The following HECW2 variants were observed in gnomAD, a reference collection of about 807,000 sequenced individuals.
HECW2 encodes HECT, C2 and WW domain containing E3 ubiquitin protein ligase 2.
Under a neutral mutation model 175.2 loss-of-function variants are expected in HECW2, and 61 were observed. That is an observed-to-expected ratio of 0.35 (90% confidence interval 0.28 to 0.43). The LOEUF is 0.43. HECW2 is among the 20% of genes least tolerant of loss of function. The pLI is 1.00. For synonymous variants in HECW2, 671 were observed against 731.0 expected, an observed-to-expected ratio of 0.92 and a Z score of 1.32; for missense variants, 1,524 against 2,000.5, an observed-to-expected ratio of 0.76 and a Z score of 4.54.
At position 196,345,521 on chromosome 2, in the gene HECW2, G is replaced by C. The variant is rs547542383; in HGVS notation, c.293-1757C>G. 5.9e-5 allele frequency among the ~76,000 whole-genome samples: 9 copies of C among 152,294 alleles called. No individual in the cohort carries two copies. The East Asian group carries it at 1.5e-3, about 26-fold the overall frequency. ...ACTCAACATCCTTTTGCTCTTCCCT[G>C]TCCCCTCTTTTTGAAGTAAAGCCAC... On this transcript the variant is annotated intron_variant, in intron 2 of 28. Coordinates refer to ENST00000644978, the MANE Select transcript of HECW2 (RefSeq NM_001348768.2).
At chr2:196,487,571 T>C (rs1687051699) in intron 1 of HECW2, among the ~76,000 whole-genome samples, 4 of 152,120 alleles carry the variant, frequency 2.6e-5, no homozygotes, top group Admixed American at 6.6e-5. Context: ...GGGAAAGAAA[T>C]TGGCCTATTT....
intron 1 of HECW2, among the ~76,000 whole-genome samples, chr2:196,550,182 T>G (rs6719725): frequency 0.19 from 29,399 of 152,126 alleles, 3,186 homozygotes; most frequent in African/African-American, 0.29. Flanking sequence ...TTATCTACCA[T>G]CCATATAAAG....
At chr2:196,391,594 T>C (rs549752383) in intron 2 of HECW2, among the ~76,000 whole-genome samples, 60 of 152,298 alleles carry the variant, frequency 3.9e-4, no homozygotes, top group Middle Eastern at 3.4e-3. Context: ...CAAAGTTTAG[T>C]TCTATATTTT....
intron 2 of HECW2, among the ~76,000 whole-genome samples, chr2:196,354,345 G>A (rs1693285065): frequency 6.6e-6 from 1 of 152,230 alleles, no homozygotes; most frequent in African/African-American, 2.4e-5. Context: ...CATGGAGCCT[G>A]CTGCTGTACC....
intron 1 of HECW2, among the ~76,000 whole-genome samples, chr2:196,555,290 C>G (rs1222278267): frequency 1.3e-5 from 2 of 152,030 alleles, no homozygotes; most frequent in Non-Finnish European, 2.9e-5. Context: ...GGTGAGGGCT[C>G]CTTTCTGATT....
At chr2:196,307,064 G>C in intron 12 of HECW2, 66 bp downstream of exon 12, 2 of 1,110,180 alleles carry the variant, frequency 1.8e-6, no homozygotes, top group Admixed American at 3.6e-5. Context: ...CTTACTTGTT[G>C]GGAATCCTTA....
intron 1 of HECW2, among the ~76,000 whole-genome samples, chr2:196,442,486 CA>C (rs1696069865): frequency 6.6e-6 from 1 of 151,990 alleles, no homozygotes; most frequent in Non-Finnish European, 1.5e-5. Context: ...GAGATGCCAG[CA>C]AAGAGTTATA....
Position 196,405,165 on chromosome 2 carries a change from G to A in HECW2, c.292+27967C>T, listed in dbSNP as rs372858872. Among the ~76,000 whole-genome samples the A allele has an allele frequency of 2.8e-4, 43 of 151,916 alleles. No homozygotes were observed. In the South Asian group the frequency reaches 7.7e-3, roughly 27 times the overall value. On this transcript the variant is annotated intron_variant, in intron 2 of 28. Transcript: ENST00000644978. ...GGTAATATTTCTAACTCCATCTTCC[G>A]TCTCCCCTTCCACTGTACTCCCCTG...
At chr2:196,281,335 G>A (rs1690175503) in intron 14 of HECW2, among the ~76,000 whole-genome samples, 1 of 151,978 alleles carries the variant, frequency 6.6e-6, no homozygotes, top group Admixed American at 6.6e-5. Context: ...AACTAACCAA[G>A]TGCTAAAAAG....
At chr2:196,252,178 A>AAATACTAATAATAAT (rs71410608) in intron 19 of HECW2, among the ~76,000 whole-genome samples, 124 of 133,244 alleles carry the variant, frequency 9.3e-4, no homozygotes, top group Non-Finnish European at 1.1e-3. Flanking sequence ...CTCCGATTCA[A>AAATACTAATAATAAT]AATAATAATA....
chr2:196,454,101 C>G (rs1399777853), intron 1 of HECW2, among the ~76,000 whole-genome samples: 1 of 152,076 alleles, frequency 6.6e-6, no homozygotes, highest in Non-Finnish European at 1.5e-5. Flanking sequence ...ACTTCTGCCT[C>G]CCAGGTTCAA....
At chr2:196,224,463 G>A (rs1687777684) in intron 23 of HECW2, among the ~76,000 whole-genome samples, 1 of 152,232 alleles carries the variant, frequency 6.6e-6, no homozygotes, top group Non-Finnish European at 1.5e-5. Flanking sequence ...CCTGGTGATA[G>A]AAGCTTCAGG....
At chr2:196,374,031 C>CAAAAA (rs1257396628) in intron 2 of HECW2, among the ~76,000 whole-genome samples, 3 of 127,454 alleles carry the variant, frequency 2.4e-5, no homozygotes, top group African/African-American at 7.2e-5. Flanking sequence ...GACTCCGTCT[C>CAAAAA]AAAAAAAATA....
chr2:196,269,978 G>A (rs1436624911), intron 17 of HECW2, among the ~76,000 whole-genome samples: 5 of 152,194 alleles, frequency 3.3e-5, no homozygotes, highest in Non-Finnish European at 7.3e-5. Flanking sequence ...AATTGGAGGA[G>A]GCATGACCTG....
chr2:196,350,562 C>T (rs1413795772), intron 2 of HECW2, among the ~76,000 whole-genome samples: 1 of 152,218 alleles, frequency 6.6e-6, no homozygotes, highest in Non-Finnish European at 1.5e-5. Context: ...GCAATCACAG[C>T]AATGCTGTGG....
chr2:196,206,571 C>T (rs985598687), intron 28 of HECW2, among the ~76,000 whole-genome samples: 1 of 152,220 alleles, frequency 6.6e-6, no homozygotes, highest in African/African-American at 2.4e-5. Flanking sequence ...TTCCTTCACT[C>T]GCTGAATAAG....
At chr2:196,335,705 AC>A (rs1166729675) in intron 3 of HECW2, among the ~76,000 whole-genome samples, 2 of 152,238 alleles carry the variant, frequency 1.3e-5, no homozygotes, top group Non-Finnish European at 2.9e-5. Flanking sequence ...TCTCAAAAAA[AC>A]AAAAGTTGTT....
chr2:196,359,276 T>C (rs759975226), intron 2 of HECW2, among the ~76,000 whole-genome samples: 4 of 152,110 alleles, frequency 2.6e-5, no homozygotes, highest in Non-Finnish European at 2.9e-5. Flanking sequence ...GGTGAAATCC[T>C]GTTTCTACTG....
rs1335363999 is a variant in HECW2, at chr2:196,506,002, G to T, written c.-35-72544C>A. Among the ~76,000 whole-genome samples the T allele has an allele frequency of 2.0e-5, 3 of 152,118 alleles. No homozygotes were observed. In the East Asian group the frequency reaches 5.8e-4, roughly 29 times the overall value. On this transcript the variant is annotated intron_variant, in intron 1 of 28. Coordinates refer to ENST00000644978, the MANE Select transcript of HECW2 (RefSeq NM_001348768.2). ...GATTAAGTGGGAGCAACAGAGCAGGGGTATCTCTCAATAAGGCAGTCGGGG... is the reference window on the plus strand; with the variant it reads ...GATTAAGTGGGAGCAACAGAGCAGGTGTATCTCTCAATAAGGCAGTCGGGG...
Sources: gnomAD v4.1 joint callset for allele counts (sites outside exome capture counted in the v4.1 genomes callset) on GRCh38, gnomAD v4.1.1 for gene constraint, MANE v1.5 for transcripts, NCBI Gene and HGNC (gene_info 2026-07-23, HGNC 2026-07-21) for gene names.